Variants in EBAG9 observed in about 807,000 individuals in gnomAD.
EBAG9 encodes the protein receptor-binding cancer antigen expressed on SiSo cells.
Under a neutral mutation model 30.9 loss-of-function variants are expected in EBAG9, and 16 were observed. That is an observed-to-expected ratio of 0.52 (90% CI 0.35 to 0.79). The LOEUF (loss-of-function observed/expected upper bound fraction) is 0.79, where lower values mean the gene tolerates loss of function less well. Among genes scored for constraint, EBAG9 ranks in the 30% least tolerant of loss-of-function variants. The pLI is 0.01. For missense variants in EBAG9, 197 were observed against 242.1 expected (o/e 0.81, Z 1.24); for synonymous variants, 93 against 82.8 (o/e 1.12, Z -0.67).
At chr8:109,551,350 G>A (rs1012404435) in intron 2 of EBAG9, among the ~76,000 whole-genome samples, 3 of 150,126 alleles carry the variant, frequency 2.0e-5, no homozygotes, top group Non-Finnish European at 4.4e-5. Context: ...TTTTTTTTCT[G>A]TTTGAGTAAC....
At chr8:109,559,984 G>T (rs543200003) in intron 5 of EBAG9, among the ~76,000 whole-genome samples, 137 of 152,086 alleles carry the variant, frequency 9.0e-4, no homozygotes, top group South Asian at 2.9e-3. Context: ...TTTTAACAGA[G>T]TATGGTATTA....
intron 1 of EBAG9, among the ~76,000 whole-genome samples, chr8:109,546,819 G>C (rs1331559700): frequency 1.3e-5 from 2 of 152,040 alleles, no homozygotes; most frequent in Non-Finnish European, 2.9e-5. Flanking sequence ...TTTTCATTCA[G>C]TATAATTATT....
At chr8:109,542,434 A>G (rs780016781) in intron 1 of EBAG9, among the ~76,000 whole-genome samples, 4 of 152,220 alleles carry the variant, frequency 2.6e-5, no homozygotes, top group Admixed American at 1.3e-4. Context: ...ATTTATTCTC[A>G]ACTTTTATTC....
At chr8:109,559,761 A>G (rs1335250724) in intron 5 of EBAG9, among the ~76,000 whole-genome samples, 2 of 151,880 alleles carry the variant, frequency 1.3e-5, no homozygotes, top group Non-Finnish European at 2.9e-5. Flanking sequence ...GCTGCAGTGA[A>G]CCATGATCAC....
chr8:109,542,279 A>G (rs994489848), intron 1 of EBAG9, among the ~76,000 whole-genome samples: 1 of 151,792 alleles, frequency 6.6e-6, no homozygotes, highest in African/African-American at 2.4e-5. Context: ...CCCAGTTTCT[A>G]TTTTTTATTG....
At chr8:109,541,457 G>A (rs1821274894) in intron 1 of EBAG9, among the ~76,000 whole-genome samples, 2 of 152,136 alleles carry the variant, frequency 1.3e-5, no homozygotes, top group Admixed American at 1.3e-4. Flanking sequence ...TCTATTAAAC[G>A]GGAGTAGTGA....
chr8:109,559,974 T>G lies in EBAG9; in HGVS notation c.430-864T>G, dbSNP rs1188961158. Reference sequence around the variant, plus strand: ...AAATAATTAGAAATATTTTAAGAATTTTTAACAGAGTATGGTATTACATAT... The same window carrying G: ...AAATAATTAGAAATATTTTAAGAATGTTTAACAGAGTATGGTATTACATAT... On this transcript the variant is annotated intron_variant, in intron 5 of 6. Coordinates refer to ENST00000337573, the MANE Select transcript of EBAG9 (RefSeq NM_004215.5). Among the ~76,000 whole-genome samples the G allele has an allele frequency of 3.4e-5, 5 of 149,038 alleles. No homozygotes were observed. In the Admixed American group the frequency reaches 3.4e-4, roughly 10 times the overall value.
At chr8:109,543,507 A>G (rs758967330) in intron 1 of EBAG9, among the ~76,000 whole-genome samples, 2 of 151,904 alleles carry the variant, frequency 1.3e-5, no homozygotes, top group African/African-American at 2.4e-5. Context: ...TTTGTTTGGA[A>G]CTTTCGTATT....
chr8:109,564,781 C>T lies in EBAG9; in HGVS notation c.*222C>T, dbSNP rs997646676. On this transcript the variant is annotated 3_prime_UTR_variant, in exon 7 of 7. Coordinates refer to ENST00000337573, the MANE Select transcript of EBAG9 (RefSeq NM_004215.5). Reference sequence around the variant, plus strand: ...TTGAGACAATGTTTTCTTCAACATGCTCCAAATATAAGACATTTGTTTGCT... The same window carrying T: ...TTGAGACAATGTTTTCTTCAACATGTTCCAAATATAAGACATTTGTTTGCT... 4.7e-6 allele frequency: 2 copies of T among 429,780 alleles called. No individual in the cohort carries two copies. The highest frequency in any genetic ancestry group is 8.4e-5 in the East Asian group (2 of 23,924). 26.6% of individuals were successfully genotyped at this position (429,780 alleles called of 1,614,324 possible).
chr8:109,562,605 TTTAA>T (rs1282931750), intron 6 of EBAG9, among the ~76,000 whole-genome samples: 4 of 151,948 alleles, frequency 2.6e-5, no homozygotes, highest in African/African-American at 9.7e-5. Flanking sequence ...ATTCTGGTAC[TTTAA>T]TAATTCCCAG....
intron 2 of EBAG9, among the ~76,000 whole-genome samples, chr8:109,552,087 A>G (rs1336563523): frequency 6.6e-6 from 1 of 152,020 alleles, no homozygotes; most frequent in Non-Finnish European, 1.5e-5. Flanking sequence ...TTTTTAATAT[A>G]TATAGACATG....
intron 1 of EBAG9, among the ~76,000 whole-genome samples, chr8:109,544,790 A>G (rs1821350135): frequency 6.6e-6 from 1 of 152,194 alleles, no homozygotes; most frequent in African/African-American, 2.4e-5. Context: ...TAATGGATTA[A>G]CAGATTTTTT....
rs1368817576 is a variant in EBAG9 at position 109,565,278 on chromosome 8, T to G, written c.*719T>G. ...GACATTTGTTCTACATTATAACTTG[T>G]GAGTTTCAAGAACTAGTATTAGTAG... On this transcript the variant is annotated 3_prime_UTR_variant, in exon 7 of 7. Transcript: ENST00000337573. 6.6e-6 allele frequency: 1 copy of G among 152,502 alleles called. No homozygotes were observed. The highest frequency in any genetic ancestry group is 1.5e-5 in the Non-Finnish European group (1 of 67,960). 9.4% of individuals were successfully genotyped at this position (152,502 alleles called of 1,614,324 possible). A position where few individuals can be genotyped will look rare whatever the true frequency, so the allele number is the denominator to read the frequency against.
Position 109,560,825 on chromosome 8 carries a change from CT to C in EBAG9, c.430-9del. The C allele has an allele frequency of 1.3e-6, 2 of 1,599,576 alleles. No homozygotes were observed. The highest frequency in any genetic ancestry group is 1.7e-6 in the Non-Finnish European group (2 of 1,168,392). ...CTTTTACTCTCTTAATTTTGTTTTA[CT>C]TTTCATTGTAGTCTGAATTAGGTGA... On this transcript the variant is annotated splice_polypyrimidine_tract_variant and intron_variant, in intron 5 of 6. Transcript: ENST00000337573.
chr8:109,539,772 C>A (rs1821230972), upstream of EBAG9: 1 of 152,200 alleles, frequency 6.6e-6, no homozygotes, highest in African/African-American at 2.4e-5. Flanking sequence ...AGCGCGCGCC[C>A]GGCTTTGAAT....
At chr8:109,544,229 A>G (rs894353025) in intron 1 of EBAG9, among the ~76,000 whole-genome samples, 20 of 152,176 alleles carry the variant, frequency 1.3e-4, no homozygotes, top group Admixed American at 1.1e-3. Context: ...TTATTACTTA[A>G]GTTAGGTTTT....
intron 1 of EBAG9, among the ~76,000 whole-genome samples, chr8:109,547,484 C>CTT (rs781114077): frequency 1.4e-5 from 2 of 140,588 alleles, no homozygotes; most frequent in South Asian, 2.3e-4. Flanking sequence ...TGTATATGTT[C>CTT]TTTTTTTTTT....
At chr8:109,555,120 C>G (rs1042736908) in intron 4 of EBAG9, among the ~76,000 whole-genome samples, 3 of 151,918 alleles carry the variant, frequency 2.0e-5, no homozygotes, top group Non-Finnish European at 4.4e-5. Context: ...GTCCCTAATG[C>G]TATCCCTCCC....
At chr8:109,543,487 T>A (rs192138018) in intron 1 of EBAG9, among the ~76,000 whole-genome samples, 31 of 152,286 alleles carry the variant, frequency 2.0e-4, no homozygotes, top group Admixed American at 3.9e-4. Context: ...TTGTTCTTAT[T>A]TTTTATGTGT....
Sources: allele counts gnomAD v4.1 joint callset (sites outside exome capture counted in the v4.1 genomes callset), GRCh38; gene constraint gnomAD v4.1.1; transcripts MANE v1.5; gene names NCBI Gene and HGNC (gene_info 2026-07-23, HGNC 2026-07-21).